C11orf97: variants seen among roughly 807,000 people sequenced by gnomAD.
The protein encoded by C11orf97 is uncharacterized protein C11orf97.
C11orf97 carries 15 observed loss-of-function variants against 16.2 expected under a neutral mutation model. The ratio of observed to expected loss-of-function variants is 0.93; its 90% CI spans 0.62 to 1.43. C11orf97 has a LOEUF of 1.43. Ranked by LOEUF, C11orf97 falls within the 40% of genes most tolerant of loss-of-function variation. The pLI, the probability that C11orf97 is intolerant of heterozygous loss-of-function variation, is 0.00. For missense variants in C11orf97, 171 were observed against 161.2 expected (o/e 1.06, Z -0.33); for synonymous variants, 61 against 65.7 (o/e 0.93, Z 0.34).
intron 2 of C11orf97, among the ~76,000 whole-genome samples, chr11:94,525,381 T>C (rs1947691872): frequency 6.6e-6 from 1 of 152,244 alleles, no homozygotes; most frequent in Admixed American, 6.5e-5. Flanking sequence ...CATTAATGAG[T>C]GTCTACATGT....
intron 1 of C11orf97, 78 bp from the exon 2 acceptor site, chr11:94,517,505 T>C: frequency 1.3e-6 from 1 of 745,442 alleles, no homozygotes; most frequent in Non-Finnish European, 2.0e-6. Flanking sequence ...TTAAAAAAAT[T>C]GTTATCATGT....
rs118104321 is a variant in C11orf97, at chr11:94,512,527, G to A, written c.-2G>A. 41,552 of 1,308,206 alleles carry A rather than the reference G, an allele frequency of 0.032. 737 individuals are homozygous for A. Among genetic ancestry groups the A allele is most frequent in the Non-Finnish European group, 0.035 (35,993 of 1,027,768 alleles). 81.0% of individuals were successfully genotyped at this position (1,308,206 alleles called of 1,614,324 possible). A position where few individuals can be genotyped will look rare whatever the true frequency, so the allele number is the denominator to read the frequency against. On this transcript the variant is annotated 5_prime_UTR_variant, in exon 1 of 4. Coordinates refer to ENST00000542198, the MANE Select transcript of C11orf97 (RefSeq NM_001190462.2). ...CCAGGGCTCTCGGAAGACCGCTGCG[G>A]CATGACAGGCGAGGAGGCGGTGGTG...
intron 1 of C11orf97, 25 bp downstream of exon 1, chr11:94,512,698 G>A (rs567448812): frequency 1.4e-5 from 17 of 1,235,574 alleles, no homozygotes; most frequent in East Asian, 3.2e-5. Context: ...AGCCGCGGAC[G>A]CTACTGGGAG....
chr11:94,531,761 T>C, intron 3 of C11orf97, 135 bp from the exon 4 acceptor site: 1 of 610,404 alleles, frequency 1.6e-6, no homozygotes, highest in Non-Finnish European at 2.5e-6. Flanking sequence ...GTTACTGGGA[T>C]GACATGGGTG....
chr11:94,514,862 C>T (rs1310327305), intron 1 of C11orf97, among the ~76,000 whole-genome samples: 1 of 151,960 alleles, frequency 6.6e-6, no homozygotes, highest in Non-Finnish European at 1.5e-5. Context: ...CCAGGCTGGT[C>T]TTGGACTCCT....
chr11:94,529,211 C>T (rs1000284597), intron 3 of C11orf97, among the ~76,000 whole-genome samples: 6 of 152,076 alleles, frequency 3.9e-5, no homozygotes, highest in South Asian at 4.2e-4. Flanking sequence ...CAAGTGCCCA[C>T]GAGCTAGGAT....
At position 94,528,224 on chromosome 11, in the gene C11orf97, C is replaced by G. The variant is rs563805062; in HGVS notation, c.376+15C>G. ...AGGACTCAGAAGTAAGACCCTGATG[C>G]CCTTGACTTCCACTGAAGCCCCTGA... On this transcript the variant is annotated intron_variant, in intron 3 of 3. Transcript: ENST00000542198. 1.1e-5 allele frequency: 17 copies of G among 1,526,914 alleles called. No homozygotes were observed. Among genetic ancestry groups the G allele is most frequent in the Middle Eastern group, 1.7e-4 (1 of 5,938 alleles). 94.6% of individuals were successfully genotyped at this position (1,526,914 alleles called of 1,614,324 possible). A position where few individuals can be genotyped will look rare whatever the true frequency, so the allele number is the denominator to read the frequency against.
At chr11:94,516,635 A>G (rs1947613318) in intron 1 of C11orf97, among the ~76,000 whole-genome samples, 3 of 149,946 alleles carry the variant, frequency 2.0e-5, no homozygotes, top group Admixed American at 1.3e-4. Flanking sequence ...GTATAAAAAA[A>G]TGAAGCTGTA....
rs374407269 is a variant in C11orf97, at chr11:94,522,628, T to G, written c.250+4941T>G. Among the ~76,000 whole-genome samples, 16 of 152,312 alleles carry G rather than the reference T, an allele frequency of 1.1e-4. No individual in the cohort carries two copies. The East Asian group carries it at 2.3e-3, about 22-fold the overall frequency. On this transcript the variant is annotated intron_variant, in intron 2 of 3. Transcript: ENST00000542198. The stretch of plus-strand genomic sequence containing the variant: ...CCATCTCAATGAATGGCATAGCCTA[T>G]GGTCCAAATGCAAATCCAGAGAGCC...
chr11:94,515,508 T>C (rs1565251752), intron 1 of C11orf97, among the ~76,000 whole-genome samples: 2 of 151,870 alleles, frequency 1.3e-5, no homozygotes, highest in South Asian at 4.2e-4. Context: ...AGAATTTTCT[T>C]TCTCTCTCTC....
intron 3 of C11orf97, among the ~76,000 whole-genome samples, chr11:94,531,036 A>C (rs532927266): frequency 4.4e-4 from 67 of 152,132 alleles, no homozygotes; most frequent in African/African-American, 1.6e-3. Context: ...GGTAGTTGGG[A>C]CTCTTCCAAC....
At position 94,514,015 on chromosome 11, in the gene C11orf97, G is replaced by T. The variant is rs565465898; in HGVS notation, c.145+1342G>T. On this transcript the variant is annotated intron_variant, in intron 1 of 3. Coordinates refer to ENST00000542198, the MANE Select transcript of C11orf97 (RefSeq NM_001190462.2). ...AGTAGAGACAGGGTATCGCCATGTT[G>T]GTCAGGCTGGTCTTCAACTCCTGGC... 5.9e-5 allele frequency among the ~76,000 whole-genome samples: 9 copies of T among 152,214 alleles called. No individual in the cohort carries two copies. The East Asian group carries it at 1.7e-3, about 29-fold the overall frequency.
chr11:94,528,755 G>C (rs1057341298), intron 3 of C11orf97, among the ~76,000 whole-genome samples: 1 of 152,168 alleles, frequency 6.6e-6, no homozygotes, highest in South Asian at 2.1e-4. Context: ...TGTCTGCCAG[G>C]AACATTTGTA....
Position 94,531,881 on chromosome 11 carries a change from T to C in C11orf97, c.377-15T>C. 2 of 1,445,044 alleles carry C rather than the reference T, an allele frequency of 1.4e-6. No individual in the cohort carries two copies. The highest frequency in any genetic ancestry group is 1.8e-6 in the Non-Finnish European group (2 of 1,098,394). 89.5% of individuals were successfully genotyped at this position (1,445,044 alleles called of 1,614,324 possible). A position where few individuals can be genotyped will look rare whatever the true frequency, so the allele number is the denominator to read the frequency against. ...AGTAAAACACTTATTTTTTCACTTT[T>C]TTTTTTAACTCTAGGATAAGATGAA... On this transcript the variant is annotated splice_polypyrimidine_tract_variant and intron_variant, in intron 3 of 3. Coordinates refer to ENST00000542198, the MANE Select transcript of C11orf97 (RefSeq NM_001190462.2).
intron 1 of C11orf97, among the ~76,000 whole-genome samples, chr11:94,514,508 C>T (rs774468578): frequency 5.3e-5 from 8 of 152,234 alleles, no homozygotes; most frequent in Non-Finnish European, 1.5e-5. Context: ...TCCCTAATCA[C>T]AGTCCTGCTC....
intron 3 of C11orf97, among the ~76,000 whole-genome samples, chr11:94,529,836 C>T (rs1243595063): frequency 6.6e-6 from 1 of 152,184 alleles, no homozygotes; most frequent in Non-Finnish European, 1.5e-5. Flanking sequence ...TCATAATTCA[C>T]AAAGATATTA....
At chr11:94,519,203 C>T (rs575442252) in intron 2 of C11orf97, among the ~76,000 whole-genome samples, 3 of 152,176 alleles carry the variant, frequency 2.0e-5, no homozygotes, top group African/African-American at 4.8e-5. Flanking sequence ...CCACCACGCC[C>T]GGCCCCACTT....
At position 94,528,315 on chromosome 11, in the gene C11orf97, C is replaced by G. The variant is rs1009347526; in HGVS notation, c.376+106C>G. 2.9e-6 allele frequency: 3 copies of G among 1,035,676 alleles called. No homozygotes were observed. The African/African-American group carries it at 4.9e-5, about 17-fold the overall frequency. 64.2% of individuals were successfully genotyped at this position (1,035,676 alleles called of 1,614,324 possible). A position where few individuals can be genotyped will look rare whatever the true frequency, so the allele number is the denominator to read the frequency against. On this transcript the variant is annotated intron_variant, in intron 3 of 3. Transcript: ENST00000542198. ...TTAAAGATCTCAATCAAAACTCAAC[C>G]TTCCTTTGACTTGTTTCTCTTGGGT...
At chr11:94,524,329 A>G (rs1373055107) in intron 2 of C11orf97, among the ~76,000 whole-genome samples, 1 of 152,154 alleles carries the variant, frequency 6.6e-6, no homozygotes, top group Non-Finnish European at 1.5e-5. Flanking sequence ...TGTTGCTATT[A>G]GCCATTGGGT....
Sources: allele counts gnomAD v4.1 joint callset (sites outside exome capture counted in the v4.1 genomes callset), GRCh38; gene constraint gnomAD v4.1.1; transcripts MANE v1.5; gene names NCBI Gene and HGNC (gene_info 2026-07-23, HGNC 2026-07-21).